Variants in DPP6 observed in about 807,000 individuals in gnomAD.
DPP6 encodes dipeptidyl peptidase like 6.
In DPP6, 69 loss-of-function variants were observed where a neutral mutation model predicts 122.6. That is an observed-to-expected ratio of 0.56 (90% CI 0.46 to 0.69). The LOEUF is 0.69. Ranked by LOEUF, DPP6 falls within the 30% of genes least tolerant of loss-of-function variation. The pLI, the probability that DPP6 is intolerant of heterozygous loss-of-function variation, is 0.00. For synonymous variants in DPP6, 418 were observed against 433.1 expected (o/e 0.97, Z 0.43); for missense variants, 928 against 1,116.9 (o/e 0.83, Z 2.41).
intron 3 of DPP6, among the ~76,000 whole-genome samples, chr7:154,490,143 G>A (rs184055225): frequency 6.6e-6 from 1 of 152,338 alleles, no homozygotes; most frequent in Admixed American, 6.5e-5. Flanking sequence ...TCTTTACTTT[G>A]AAAATGCTTC....
chr7:154,429,667 T>G (rs945660637), intron 1 of DPP6, among the ~76,000 whole-genome samples: 1 of 152,122 alleles, frequency 6.6e-6, no homozygotes, highest in African/African-American at 2.4e-5. Flanking sequence ...TGGTTGAATA[T>G]GGAGAAACAG....
chr7:153,914,698 A>G (rs1347039298), intron 1 of DPP6, among the ~76,000 whole-genome samples: 1 of 152,238 alleles, frequency 6.6e-6, no homozygotes, highest in Non-Finnish European at 1.5e-5. Context: ...TTGGAAAAGT[A>G]ACTGATTCCT....
At chr7:154,600,504 T>G (rs960990351) in intron 5 of DPP6, among the ~76,000 whole-genome samples, 3 of 121,092 alleles carry the variant, frequency 2.5e-5, no homozygotes, top group African/African-American at 7.9e-5. Flanking sequence ...GGGTGATTAA[T>G]AGGTGCCAGG....
At chr7:154,570,946 T>C (rs1216370325) in intron 5 of DPP6, among the ~76,000 whole-genome samples, 1 of 152,218 alleles carries the variant, frequency 6.6e-6, no homozygotes, top group Admixed American at 6.5e-5. Context: ...TGTGTTTGTA[T>C]TTATGTGGCA....
intron 17 of DPP6, among the ~76,000 whole-genome samples, chr7:154,866,635 G>A (rs1470402147): frequency 3.3e-5 from 5 of 152,210 alleles, no homozygotes; most frequent in Admixed American, 2.0e-4. Flanking sequence ...CGCATGCTAC[G>A]TGGTGTTCGG....
upstream of DPP6, among the ~76,000 whole-genome samples, chr7:153,884,283 A>C (rs1798835523): frequency 6.6e-6 from 1 of 152,126 alleles, no homozygotes; most frequent in African/African-American, 2.4e-5. Flanking sequence ...TCCTCGCAAT[A>C]GTTTGCTGAG....
intron 1 of DPP6, among the ~76,000 whole-genome samples, chr7:154,223,951 GAC>G (rs1364250873): frequency 4.0e-5 from 6 of 148,648 alleles, no homozygotes; most frequent in Non-Finnish European, 2.9e-5. Context: ...GGCCCAGGAG[GAC>G]ACACACACTG....
Position 154,483,973 on chromosome 7 carries a change from G to A in DPP6, c.457+8936G>A, listed in dbSNP as rs1421406529. On this transcript the variant is annotated intron_variant, in intron 3 of 25. Transcript: ENST00000377770. This position sits in a 1 kb window ranked among gnomAD's most constrained non-coding sequence, Gnocchi z 8.1. The stretch of plus-strand genomic sequence containing the variant: ...CTCCCAAAGTGTTGGGATTACAGAT[G>A]TGAGCCACCACGCCCGGCCCAGGTT... Among the ~76,000 whole-genome samples, 35 of 152,208 alleles carry A rather than the reference G, an allele frequency of 2.3e-4. 1 individual carries two copies. The highest frequency in any genetic ancestry group is 5.9e-5 in the Non-Finnish European group (4 of 68,046).
intron 1 of DPP6, among the ~76,000 whole-genome samples, chr7:154,357,576 A>C (rs1811374786): frequency 6.6e-6 from 1 of 152,178 alleles, no homozygotes; most frequent in Admixed American, 6.5e-5. Context: ...TTCGATTTTC[A>C]TTACCTGATT....
chr7:154,191,007 A>G (rs142132985), intron 1 of DPP6, among the ~76,000 whole-genome samples: 2 of 152,352 alleles, frequency 1.3e-5, no homozygotes, highest in African/African-American at 4.8e-5. Flanking sequence ...CAGATTGGCT[A>G]TTATTTGCTT....
the DPP6 span, among the ~76,000 whole-genome samples, chr7:153,854,426 A>G: frequency 6.6e-6 from 1 of 151,470 alleles, no homozygotes; most frequent in Non-Finnish European, 1.5e-5. Flanking sequence ...AAGTGGGCGA[A>G]GGACATGAAC....
chr7:154,210,629 C>T (rs1179052972), intron 1 of DPP6, among the ~76,000 whole-genome samples: 1 of 152,020 alleles, frequency 6.6e-6, no homozygotes, highest in Non-Finnish European at 1.5e-5. Context: ...CAGCAAAACA[C>T]AGAAATTCGT....
chr7:154,274,748 A>G (rs527633462), intron 1 of DPP6, among the ~76,000 whole-genome samples: 1 of 152,350 alleles, frequency 6.6e-6, no homozygotes, highest in East Asian at 1.9e-4. Context: ...CTATGTGTAT[A>G]TTAGGCTCTA....
At chr7:154,200,347 C>G (rs896199648) in intron 1 of DPP6, among the ~76,000 whole-genome samples, 3 of 152,120 alleles carry the variant, frequency 2.0e-5, no homozygotes, top group Non-Finnish European at 4.4e-5. Flanking sequence ...TAGGAACATT[C>G]AAATGATTCC....
chr7:154,500,722 C>T (rs1486071123), intron 3 of DPP6, among the ~76,000 whole-genome samples: 1 of 152,168 alleles, frequency 6.6e-6, no homozygotes, highest in East Asian at 1.9e-4. Context: ...ACTGCGCAGT[C>T]TTGGGTATGT....
intron 1 of DPP6, among the ~76,000 whole-genome samples, chr7:153,943,449 A>G (rs1268131918): frequency 1.3e-5 from 2 of 152,116 alleles, no homozygotes; most frequent in African/African-American, 2.4e-5. Flanking sequence ...CCATCAAATC[A>G]TGTAGAGCCC....
intron 8 of DPP6, among the ~76,000 whole-genome samples, chr7:154,767,728 T>C (rs539597837): frequency 2.0e-5 from 3 of 152,150 alleles, no homozygotes; most frequent in South Asian, 2.1e-4. Flanking sequence ...TCAAGTCCAG[T>C]GCACCAGGGC....
chr7:154,501,713 G>A (rs1236672570), intron 3 of DPP6, among the ~76,000 whole-genome samples: 1 of 152,204 alleles, frequency 6.6e-6, no homozygotes, highest in African/African-American at 2.4e-5. Flanking sequence ...GGCCCTCATG[G>A]AGAACCTCTG....
chr7:154,619,286 T>C (rs1834478886), intron 5 of DPP6, among the ~76,000 whole-genome samples: 1 of 152,238 alleles, frequency 6.6e-6, no homozygotes, highest in Non-Finnish European at 1.5e-5. Context: ...TACCACCTGT[T>C]AACTGCCTAC....
Sources: allele counts gnomAD v4.1 joint callset (sites outside exome capture counted in the v4.1 genomes callset), GRCh38; gene constraint gnomAD v4.1.1; non-coding constraint Gnocchi (gnomAD v3.1); transcripts MANE v1.5; gene names NCBI Gene and HGNC (gene_info 2026-07-23, HGNC 2026-07-21).